Variants in PCCA observed in about 807,000 individuals in gnomAD.
PCCA encodes the protein propionyl-CoA carboxylase subunit alpha, also known as propionyl-CoA carboxylase alpha chain, mitochondrial.
A neutral mutation model predicts 101.3 loss-of-function variants in PCCA; 74 were observed. The ratio of observed to expected loss-of-function variants is 0.73; its 90% CI spans 0.61 to 0.89. The LOEUF is 0.89. Ranked by LOEUF, PCCA falls within the 40% of genes least tolerant of loss-of-function variation. The pLI is 0.00. For synonymous variants in PCCA, 294 were observed against 313.6 expected (o/e 0.94, Z 0.66); for missense variants, 891 against 907.0 (o/e 0.98, Z 0.23).
intron 6 of PCCA, among the ~76,000 whole-genome samples, chr13:100,170,674 G>T (rs891505817): frequency 6.6e-6 from 1 of 152,156 alleles, no homozygotes; most frequent in East Asian, 1.9e-4. Flanking sequence ...CTAGTTGATT[G>T]TTGAGTGCAG....
intron 6 of PCCA, among the ~76,000 whole-genome samples, chr13:100,157,722 G>A (rs1178676296): frequency 6.6e-6 from 1 of 151,936 alleles, no homozygotes; most frequent in African/African-American, 2.4e-5. Context: ...CTCTATTTTG[G>A]GTGAAGTTGT....
chr13:100,194,298 C>T (rs1040583556), intron 6 of PCCA, among the ~76,000 whole-genome samples: 2 of 151,916 alleles, frequency 1.3e-5, no homozygotes, highest in African/African-American at 2.4e-5. Context: ...TTAAGCAAGA[C>T]GTGGGAGGAT....
intron 17 of PCCA, among the ~76,000 whole-genome samples, chr13:100,339,254 A>G (rs1450137955): frequency 6.6e-6 from 1 of 152,194 alleles, no homozygotes; most frequent in African/African-American, 2.4e-5. Context: ...ACAGACAACA[A>G]TACATTTTTT....
chr13:100,458,342 C>T (rs1223393049), intron 21 of PCCA, among the ~76,000 whole-genome samples: 2 of 101,688 alleles, frequency 2.0e-5, no homozygotes, highest in Non-Finnish European at 4.0e-5. Flanking sequence ...CACACACACA[C>T]ACAGTGGGAC....
intron 19 of PCCA, among the ~76,000 whole-genome samples, chr13:100,380,081 G>T (rs888666122): frequency 2.0e-5 from 3 of 151,472 alleles, no homozygotes; most frequent in African/African-American, 7.3e-5. Context: ...AAAAAAACAC[G>T]CCAGTCACAT....
chr13:100,377,364 G>GA (rs2075979895), intron 19 of PCCA, among the ~76,000 whole-genome samples: 1 of 152,104 alleles, frequency 6.6e-6, no homozygotes, highest in Non-Finnish European at 1.5e-5. Flanking sequence ...TTTCCATTTG[G>GA]ATGGAACAAT....
chr13:100,493,159 A>G (rs1416223696), intron 21 of PCCA, among the ~76,000 whole-genome samples: 1 of 152,198 alleles, frequency 6.6e-6, no homozygotes, highest in African/African-American at 2.4e-5. Context: ...TGCTCACCCC[A>G]GCTCCTACAC....
Position 100,150,796 on chromosome 13 carries a change from G to A in PCCA, c.301-4183G>A, listed in dbSNP as rs1268267226. ...GGCGTCCAGCTTGCTCCTCTGCAACGGACTGAAGGCTTGGAGCAAACTTTA... is the reference window on the plus strand; with the variant it reads ...GGCGTCCAGCTTGCTCCTCTGCAACAGACTGAAGGCTTGGAGCAAACTTTA... On this transcript the variant is annotated intron_variant, in intron 4 of 23. Coordinates refer to ENST00000376285, the MANE Select transcript of PCCA (RefSeq NM_000282.4). 1.8e-5 allele frequency: 28 copies of A among 1,585,868 alleles called. No individual in the cohort carries two copies. The East Asian group carries it at 3.8e-4, about 21-fold the overall frequency.
chr13:100,136,623 G>C (rs890853636), intron 4 of PCCA, among the ~76,000 whole-genome samples: 3 of 152,062 alleles, frequency 2.0e-5, no homozygotes, highest in Non-Finnish European at 4.4e-5. Context: ...AGTGTGTTTT[G>C]TTAGCTTTGT....
chr13:100,323,628 C>T (rs1255113980), intron 16 of PCCA, among the ~76,000 whole-genome samples: 1 of 152,226 alleles, frequency 6.6e-6, no homozygotes, highest in East Asian at 1.9e-4. Flanking sequence ...GAGCTCCATT[C>T]TTAACAGAAA....
In PCCA at chr13:100,443,047, G is replaced by A. The variant is rs567364322; in HGVS notation, c.1846-6205G>A. On this transcript the variant is annotated intron_variant, in intron 20 of 23. Transcript: ENST00000376285. ...GTGGAGCGTTTGGAGGGTTTGGGTAGGAGAGTGATGTGATGTGATTTTTTA... is the reference window on the plus strand; with the variant it reads ...GTGGAGCGTTTGGAGGGTTTGGGTAAGAGAGTGATGTGATGTGATTTTTTA... 2.3e-4 allele frequency among the ~76,000 whole-genome samples: 35 copies of A among 152,220 alleles called. No individual in the cohort carries two copies. In the South Asian group the frequency reaches 7.1e-3, roughly 31 times the overall value.
At chr13:100,280,304 C>CT (rs11439835) in intron 12 of PCCA, among the ~76,000 whole-genome samples, 130,767 of 148,224 alleles carry the variant, frequency 0.88, 59,609 homozygotes, top group East Asian at 1. Flanking sequence ...ACAACACAAG[C>CT]TTTTTTTTTT....
Position 100,303,006 on chromosome 13 carries a change from A to G in PCCA, c.1284+8A>G. 6.7e-7 allele frequency: 1 copy of G among 1,503,564 alleles called. No individual in the cohort carries two copies. Among genetic ancestry groups the G allele is most frequent in the Non-Finnish European group, 9.3e-7 (1 of 1,079,128 alleles). The allele number at this position is 1,503,564 out of a possible 1,614,324, so 93.1% of individuals were successfully genotyped here. A position where few individuals can be genotyped will look rare whatever the true frequency, so the allele number is the denominator to read the frequency against. The stretch of plus-strand genomic sequence containing the variant: ...CCGTTACATCTACCTGGTGTAAGTC[A>G]TTAAGCTGTAATACCAGCTGAAGGG... On this transcript the variant is annotated splice_region_variant and intron_variant, in intron 14 of 23. Coordinates refer to ENST00000376285, the MANE Select transcript of PCCA (RefSeq NM_000282.4).
chr13:100,425,622 T>A lies in PCCA; in HGVS notation c.1747-11T>A. Reference sequence around the variant, plus strand: ...TCTTCATGGTAATGGTCTTATTTGGTGTCACAACAGGTGGAAGTTGATGGG... The same window carrying A: ...TCTTCATGGTAATGGTCTTATTTGGAGTCACAACAGGTGGAAGTTGATGGG... On this transcript the variant is annotated splice_polypyrimidine_tract_variant and intron_variant, in intron 19 of 23. Coordinates refer to ENST00000376285, the MANE Select transcript of PCCA (RefSeq NM_000282.4). 1 of 1,578,422 alleles carries A rather than the reference T, an allele frequency of 6.3e-7. No homozygotes were observed.
At chr13:100,325,192 C>A (rs2068526716) in intron 16 of PCCA, among the ~76,000 whole-genome samples, 1 of 152,178 alleles carries the variant, frequency 6.6e-6, no homozygotes, top group East Asian at 1.9e-4. Context: ...AAACACCTTT[C>A]ATTTCATATT....
intron 12 of PCCA, among the ~76,000 whole-genome samples, chr13:100,292,836 C>T (rs1030123721): frequency 6.6e-6 from 1 of 152,048 alleles, no homozygotes; most frequent in African/African-American, 2.4e-5. Flanking sequence ...AAACTGAAAT[C>T]TTCCAAAAAT....
Position 100,391,224 on chromosome 13 carries a change from G to A in PCCA, c.1746+22650G>A, listed in dbSNP as rs1324966419. On this transcript the variant is annotated intron_variant, in intron 19 of 23. Coordinates refer to ENST00000376285, the MANE Select transcript of PCCA (RefSeq NM_000282.4). The stretch of plus-strand genomic sequence containing the variant: ...GTAGAGACGGAGTTTCACCATGTTG[G>A]CCAGGATAGTCTTGATTTCTTGACC... Among the ~76,000 whole-genome samples the A allele has an allele frequency of 2.0e-5, 3 of 152,122 alleles. No individual in the cohort carries two copies. In the East Asian group the frequency reaches 5.8e-4, roughly 29 times the overall value.
At chr13:100,451,220 T>A (rs1762712010) in intron 21 of PCCA, among the ~76,000 whole-genome samples, 1 of 152,036 alleles carries the variant, frequency 6.6e-6, no homozygotes. Flanking sequence ...GTTCGTCTCA[T>A]CTAAAAATAT....
chr13:100,102,121 T>A (rs1461076907), intron 1 of PCCA, among the ~76,000 whole-genome samples: 2 of 151,956 alleles, frequency 1.3e-5, no homozygotes, highest in Non-Finnish European at 2.9e-5. Flanking sequence ...TCTGTATCTC[T>A]CTATCTCTTT....
Sources: allele counts gnomAD v4.1 joint callset (sites outside exome capture counted in the v4.1 genomes callset), GRCh38; gene constraint gnomAD v4.1.1; transcripts MANE v1.5; gene names NCBI Gene and HGNC (gene_info 2026-07-23, HGNC 2026-07-21).